SYCP2: variants seen among roughly 807,000 people sequenced by gnomAD.
SYCP2 encodes the protein synaptonemal complex protein 2.
A neutral mutation model predicts 211.3 loss-of-function variants in SYCP2; 55 were observed. The ratio of observed to expected loss-of-function variants is 0.26; its 90% CI spans 0.21 to 0.33. SYCP2 has a LOEUF of 0.33. SYCP2 is among the 10% of genes least tolerant of loss of function. The pLI, the probability that SYCP2 is intolerant of heterozygous loss-of-function variation, is 1.00. For missense variants in SYCP2, 1,731 were observed against 1,752.0 expected, an observed-to-expected ratio of 0.99 and a Z score of 0.21; for synonymous variants, 570 against 555.2, an observed-to-expected ratio of 1.03 and a Z score of -0.37.
intron 7 of SYCP2, among the ~76,000 whole-genome samples, chr20:59,917,709 A>T (rs2060469258): frequency 6.6e-6 from 1 of 152,206 alleles, no homozygotes; most frequent in African/African-American, 2.4e-5. Flanking sequence ...AGCCTCATTG[A>T]CCAATCCTAG....
chr20:59,880,276 A>C, intron 31 of SYCP2, 27 bp downstream of exon 31: 1 of 1,529,636 alleles, frequency 6.5e-7, no homozygotes, highest in South Asian at 1.2e-5. Flanking sequence ...ATCATTTGCA[A>C]CATTTATCCA....
At chr20:59,888,691 G>T (rs932942865) in intron 24 of SYCP2, among the ~76,000 whole-genome samples, 17 of 152,090 alleles carry the variant, frequency 1.1e-4, no homozygotes, top group Admixed American at 3.3e-4. Flanking sequence ...TATATTGATT[G>T]GGAAAGAAGA....
rs1038258597 is a variant in SYCP2, at chr20:59,919,100, T to C, written c.427+58A>G. 72 of 921,642 alleles carry C rather than the reference T, an allele frequency of 7.8e-5. No homozygotes were observed. Among genetic ancestry groups the C allele is most frequent in the Non-Finnish European group, 4.6e-5 (27 of 589,696 alleles). The allele number at this position is 921,642 out of a possible 1,614,324, so 57.1% of individuals were successfully genotyped here. A position where few individuals can be genotyped will look rare whatever the true frequency, so the allele number is the denominator to read the frequency against. On this transcript the variant is annotated intron_variant, in intron 7 of 44. Coordinates refer to ENST00000357552, the MANE Select transcript of SYCP2 (RefSeq NM_014258.4). ...CAACACAATGGGAATTGTAAAATTA[T>C]ACTAAAACTCTAACAGTAAAATTTA...
chr20:59,905,368 C>T (rs1033459087), intron 15 of SYCP2, among the ~76,000 whole-genome samples: 3 of 152,064 alleles, frequency 2.0e-5, no homozygotes, highest in Admixed American at 6.6e-5. Flanking sequence ...CAAATGCTCA[C>T]TAACAGGTGA....
chr20:59,928,344 C>A lies in SYCP2; in HGVS notation c.-47+3718G>T, dbSNP rs76640279. 2.1e-3 allele frequency among the ~76,000 whole-genome samples: 325 copies of A among 152,110 alleles called. 8 individuals carry two copies. The East Asian group carries it at 0.05, about 23-fold the overall frequency. On this transcript the variant is annotated intron_variant, in intron 2 of 44. Coordinates refer to ENST00000357552, the MANE Select transcript of SYCP2 (RefSeq NM_014258.4). ...AGAGATATGAATACATGGAGTTGTT[C>A]CTATTCATTAATGGAAGGACTTAAC... is the stretch of plus-strand genomic sequence containing the variant.
At chr20:59,905,116 T>C (rs1022397870) in intron 15 of SYCP2, among the ~76,000 whole-genome samples, 2 of 152,070 alleles carry the variant, frequency 1.3e-5, no homozygotes, top group African/African-American at 4.8e-5. Context: ...ATAAGAAGTG[T>C]TAGAAAGGAT....
chr20:59,890,697 G>A (rs181155440), intron 24 of SYCP2, among the ~76,000 whole-genome samples: 82 of 151,846 alleles, frequency 5.4e-4, no homozygotes, highest in African/African-American at 1.9e-3. Context: ...CTGAAAACAG[G>A]AAGTTGATTT....
chr20:59,903,016 A>AAT (rs2060145078), intron 15 of SYCP2, among the ~76,000 whole-genome samples: 1 of 152,128 alleles, frequency 6.6e-6, no homozygotes, highest in Non-Finnish European at 1.5e-5. Context: ...TATTAAATGT[A>AAT]ATATTTGCTT....
chr20:59,882,913 C>T (rs529350624), intron 26 of SYCP2, among the ~76,000 whole-genome samples: 46 of 152,266 alleles, frequency 3.0e-4, no homozygotes, highest in Middle Eastern at 3.4e-3. Flanking sequence ...GTACATTACT[C>T]TGTGTGGCAA....
At chr20:59,881,523 TGTCA>T (rs758816675) in intron 28 of SYCP2, 31 bp from the exon 29 acceptor site, 5 of 1,111,212 alleles carry the variant, frequency 4.5e-6, no homozygotes, top group African/African-American at 1.6e-5. Context: ...AAAAAAGAGG[TGTCA>T]GTGTCAAAAT....
At chr20:59,907,866 A>G (rs751834720) in intron 14 of SYCP2, among the ~76,000 whole-genome samples, 6 of 152,234 alleles carry the variant, frequency 3.9e-5, no homozygotes, top group Non-Finnish European at 8.8e-5. Context: ...CGCATGAATA[A>G]TAACCTAAAA....
At chr20:59,924,958 C>A (rs1365627868) in intron 2 of SYCP2, among the ~76,000 whole-genome samples, 2 of 151,562 alleles carry the variant, frequency 1.3e-5, no homozygotes, top group African/African-American at 4.9e-5. Context: ...AGAAATATAA[C>A]AAAACCTCAC....
intron 33 of SYCP2, among the ~76,000 whole-genome samples, chr20:59,875,840 C>T (rs565436198): frequency 6.6e-6 from 1 of 152,004 alleles, no homozygotes. Context: ...GAGAAGACTT[C>T]GCAAGAACAG....
At chr20:59,919,876 TAGAA>T (rs984737326) in intron 5 of SYCP2, among the ~76,000 whole-genome samples, 2 of 151,684 alleles carry the variant, frequency 1.3e-5, no homozygotes, top group African/African-American at 4.8e-5. Flanking sequence ...TTTATTATAA[TAGAA>T]GGAAGTAAAT....
chr20:59,911,662 A>T (rs2145833496), intron 14 of SYCP2, 88 bp downstream of exon 14: 1 of 524,472 alleles, frequency 1.9e-6, no homozygotes, highest in African/African-American at 2.0e-5. Context: ...ACTGGCTAGA[A>T]CATATAAAGA....
At chr20:59,927,305 T>C (rs117546481) in intron 2 of SYCP2, among the ~76,000 whole-genome samples, 1,544 of 152,234 alleles carry the variant, frequency 0.01, 15 homozygotes, top group Non-Finnish European at 0.016. Context: ...AAACAGAAAA[T>C]CTTTACATTC....
At chr20:59,879,862 T>TATATATATATATAC (rs1469618397) in intron 31 of SYCP2, among the ~76,000 whole-genome samples, 2 of 116,080 alleles carry the variant, frequency 1.7e-5, no homozygotes, top group Non-Finnish European at 3.6e-5. Flanking sequence ...TATATATATA[T>TATATATATATATAC]ACACACACAC....
chr20:59,886,197 T>A (rs2059784562), intron 25 of SYCP2, among the ~76,000 whole-genome samples: 1 of 152,096 alleles, frequency 6.6e-6, no homozygotes, highest in Non-Finnish European at 1.5e-5. Context: ...TTAAAATGAA[T>A]GATTCCACCA....
At chr20:59,918,794 C>T (rs1441488344) in intron 7 of SYCP2, among the ~76,000 whole-genome samples, 1 of 152,100 alleles carries the variant, frequency 6.6e-6, no homozygotes, top group East Asian at 1.9e-4. Flanking sequence ...AACACTAACT[C>T]TGAACCCTAA....
Sources: allele counts gnomAD v4.1 joint callset (sites outside exome capture counted in the v4.1 genomes callset), GRCh38; gene constraint gnomAD v4.1.1; transcripts MANE v1.5; gene names NCBI Gene and HGNC (gene_info 2026-07-23, HGNC 2026-07-21).